The following STK33 variants were observed in gnomAD, a reference collection of about 807,000 sequenced individuals.
STK33 encodes serine/threonine-protein kinase 33.
Under a neutral mutation model 58.0 loss-of-function variants are expected in STK33, and 52 were observed. That is an observed-to-expected ratio of 0.90 (90% CI 0.72 to 1.13). The LOEUF is 1.13. Among genes scored for constraint, STK33 ranks in the 50% most tolerant of loss-of-function variants. The pLI is 0.00. For synonymous variants in STK33, 215 were observed against 200.1 expected (o/e 1.07, Z -0.63); for missense variants, 630 against 604.2 (o/e 1.04, Z -0.45).
chr11:8,519,744 C>T (rs9667977), intron 1 of STK33, among the ~76,000 whole-genome samples: 80,646 of 151,872 alleles, frequency 0.53, 21,892 homozygotes, highest in African/African-American at 0.65. Flanking sequence ...AAAATCTAGA[C>T]GAAATGGATA....
intron 1 of STK33, among the ~76,000 whole-genome samples, chr11:8,487,226 C>A (rs1246589263): frequency 1.3e-5 from 2 of 151,856 alleles, no homozygotes; most frequent in Non-Finnish European, 2.9e-5. Flanking sequence ...GAGTTTGAGA[C>A]CAGTCAGGGC....
At chr11:8,449,893 T>A (rs141892407) in intron 11 of STK33, among the ~76,000 whole-genome samples, 3,123 of 152,186 alleles carry the variant, frequency 0.021, 58 homozygotes, top group Middle Eastern at 0.061. Flanking sequence ...ATTAAAAAAG[T>A]CAGGAAACAA....
At chr11:8,396,891 G>T (rs1011706532) in intron 15 of STK33, among the ~76,000 whole-genome samples, 1 of 152,206 alleles carries the variant, frequency 6.6e-6, no homozygotes, top group African/African-American at 2.4e-5. Context: ...AGATCAAACT[G>T]CAAGGCTGCA....
chr11:8,354,286 C>T, the STK33 span, among the ~76,000 whole-genome samples: 4 of 152,192 alleles, frequency 2.6e-5, no homozygotes, highest in South Asian at 2.1e-4. Context: ...CCCTACCCCA[C>T]CTCCGCTCTC....
chr11:8,540,487 G>A (rs956064457), intron 1 of STK33, among the ~76,000 whole-genome samples: 1 of 151,710 alleles, frequency 6.6e-6, no homozygotes, highest in South Asian at 2.1e-4. Flanking sequence ...TTAAAAAAAA[G>A]ACAAATAAAA....
chr11:8,588,870 T>C (rs2032144748), intron 1 of STK33, among the ~76,000 whole-genome samples: 2 of 152,146 alleles, frequency 1.3e-5, no homozygotes, highest in African/African-American at 4.8e-5. Context: ...TAGGTATTTC[T>C]CCAAAGAAGA....
intron 1 of STK33, among the ~76,000 whole-genome samples, chr11:8,530,632 G>A (rs542108879): frequency 6.6e-6 from 1 of 152,192 alleles, no homozygotes; most frequent in South Asian, 2.1e-4. Context: ...ATAGGATGCC[G>A]TGAAAGCCAA....
rs373111913 is a variant in STK33, at chr11:8,430,006, T to A, written c.1146+5488A>T. Among the ~76,000 whole-genome samples, 159 of 152,156 alleles carry A rather than the reference T, an allele frequency of 1.0e-3. 1 individual carries two copies. The highest frequency in any genetic ancestry group is 3.5e-3 in the African/African-American group (147 of 41,496). ...TCATCCAAGTCCACTCACATAACGC[T>A]CCAAGGGTGAGAGGGACAAAAGAGA... On this transcript the variant is annotated intron_variant, in intron 14 of 15. Transcript: ENST00000687296.
chr11:8,442,404 G>A (rs2044463), intron 11 of STK33, among the ~76,000 whole-genome samples: 80,453 of 151,956 alleles, frequency 0.53, 21,510 homozygotes, highest in South Asian at 0.64. Context: ...AGCAGGGGAC[G>A]GGAAATCCTG....
intron 1 of STK33, among the ~76,000 whole-genome samples, chr11:8,518,190 C>A (rs1272116540): frequency 6.6e-6 from 1 of 152,180 alleles, no homozygotes; most frequent in African/African-American, 2.4e-5. Flanking sequence ...AAATATTCAA[C>A]ATTCTTAAAG....
At chr11:8,465,586 T>C (rs373263033) in intron 6 of STK33, 1 of 152,226 alleles carries the variant, frequency 6.6e-6, no homozygotes, top group African/African-American at 2.4e-5. Flanking sequence ...TCAGTCTCCC[T>C]GATCCAAATC....
At chr11:8,480,242 A>C (rs1949683453) in intron 2 of STK33, among the ~76,000 whole-genome samples, 168 bp downstream of exon 2, 1 of 152,188 alleles carries the variant, frequency 6.6e-6, no homozygotes, top group Non-Finnish European at 1.5e-5. Context: ...GTTTGAGTAG[A>C]GGCTGGAGCA....
chr11:8,467,633 T>A (rs1948342403), intron 6 of STK33: 1 of 152,332 alleles, frequency 6.6e-6, no homozygotes, highest in South Asian at 2.1e-4. Flanking sequence ...TGTTCCAACC[T>A]CTGTCTATTA....
the STK33 span, among the ~76,000 whole-genome samples, chr11:8,383,475 G>A: frequency 6.6e-6 from 1 of 152,228 alleles, no homozygotes; most frequent in South Asian, 2.1e-4. Context: ...GGCTGTGGGT[G>A]CAGCTTCTGC....
At chr11:8,530,944 G>GA (rs201225709) in intron 1 of STK33, among the ~76,000 whole-genome samples, 59,031 of 151,638 alleles carry the variant, frequency 0.39, 11,766 homozygotes, top group South Asian at 0.57. Flanking sequence ...GCCCACCTCA[G>GA]TCTCCCAAAG....
intron 11 of STK33, among the ~76,000 whole-genome samples, chr11:8,443,350 T>C (rs1250962714): frequency 6.6e-6 from 1 of 152,196 alleles, no homozygotes; most frequent in Non-Finnish European, 1.5e-5. Flanking sequence ...AAGCTGATCA[T>C]GTGTTCAGTC....
chr11:8,404,023 C>T (rs1938623490), intron 15 of STK33, among the ~76,000 whole-genome samples: 1 of 152,146 alleles, frequency 6.6e-6, no homozygotes, highest in Admixed American at 6.5e-5. Context: ...AATTATAGGC[C>T]TGCACAAGGT....
intron 14 of STK33, among the ~76,000 whole-genome samples, chr11:8,414,251 G>A (rs1229930171): frequency 6.6e-6 from 1 of 152,150 alleles, no homozygotes; most frequent in Non-Finnish European, 1.5e-5. Context: ...TTGGTACAGT[G>A]TTCTTATCCC....
At chr11:8,359,981 G>A in the STK33 span, among the ~76,000 whole-genome samples, 3 of 152,230 alleles carry the variant, frequency 2.0e-5, no homozygotes, top group African/African-American at 7.2e-5. Context: ...AGGACAGTTA[G>A]CTGATGTTCC....
Sources: gnomAD v4.1 joint callset for allele counts (sites outside exome capture counted in the v4.1 genomes callset) on GRCh38, gnomAD v4.1.1 for gene constraint, MANE v1.5 for transcripts, NCBI Gene and HGNC (gene_info 2026-07-23, HGNC 2026-07-21) for gene names.